The following C1QTNF3 variants were observed in gnomAD, a reference collection of about 807,000 sequenced individuals.
C1QTNF3 encodes the protein complement C1q tumor necrosis factor-related protein 3.
Under a neutral mutation model 32.6 loss-of-function variants are expected in C1QTNF3, and 26 were observed. That is an observed-to-expected ratio of 0.80 (90% CI 0.58 to 1.11). C1QTNF3 has a LOEUF of 1.11. C1QTNF3 is among the 50% of genes least tolerant of loss of function. The pLI is 0.00. For synonymous variants in C1QTNF3, 155 were observed against 146.0 expected (o/e 1.06, Z -0.44); for missense variants, 362 against 398.2 (o/e 0.91, Z 0.77).
At position 34,020,491 on chromosome 5, in the gene C1QTNF3, A is replaced by G; in HGVS notation, c.*92T>C. ...AACCAATAATTTTTTGAATACAGCA[A>G]TGTAAAACCCTCAACTTTAATGTTC... On this transcript the variant is annotated 3_prime_UTR_variant, in exon 6 of 6. Transcript: ENST00000382065. The G allele has an allele frequency of 1.4e-6, 2 of 1,449,712 alleles. No homozygotes were observed. Among genetic ancestry groups the G allele is most frequent in the Non-Finnish European group, 1.9e-6 (2 of 1,061,122 alleles). The allele number at this position is 1,449,712 out of a possible 1,614,324, so 89.8% of individuals were successfully genotyped here.
the C1QTNF3 span, among the ~76,000 whole-genome samples, chr5:34,219,415 G>C: frequency 2.0e-5 from 3 of 151,702 alleles, no homozygotes; most frequent in African/African-American, 7.3e-5. Context: ...GTAGAAAGTG[G>C]AGAATCAATA....
the C1QTNF3 span, chr5:34,106,366 T>C: frequency 1.3e-5 from 2 of 151,930 alleles, no homozygotes; most frequent in Admixed American, 1.3e-4. Context: ...GAATTCATTG[T>C]CAGAGGCAAC....
the C1QTNF3 span, among the ~76,000 whole-genome samples, chr5:34,209,404 C>A: frequency 6.7e-6 from 1 of 150,094 alleles, no homozygotes; most frequent in African/African-American, 2.5e-5. Context: ...GCACATATAC[C>A]CCTGAACTGA....
chr5:34,100,921 A>C, the C1QTNF3 span, among the ~76,000 whole-genome samples: 1 of 151,908 alleles, frequency 6.6e-6, no homozygotes, highest in Non-Finnish European at 1.5e-5. Context: ...CATATTTATT[A>C]TTTCCCAACA....
At chr5:34,172,384 T>C in the C1QTNF3 span, among the ~76,000 whole-genome samples, 6 of 146,016 alleles carry the variant, frequency 4.1e-5, no homozygotes, top group South Asian at 2.2e-4. Flanking sequence ...TTTTAGACCT[T>C]AGTTGAATGC....
chr5:34,063,654 A>G, the C1QTNF3 span, among the ~76,000 whole-genome samples: 2 of 152,170 alleles, frequency 1.3e-5, no homozygotes, highest in Non-Finnish European at 2.9e-5. Context: ...ATAACTGCCC[A>G]TGTTGAGAGC....
upstream of C1QTNF3, among the ~76,000 whole-genome samples, chr5:34,044,181 T>C (rs1168093729): frequency 1.3e-5 from 2 of 152,238 alleles, no homozygotes; most frequent in East Asian, 3.8e-4. Context: ...TTGCTTTAGT[T>C]GCTATACTTT....
chr5:34,080,384 T>C, the C1QTNF3 span, among the ~76,000 whole-genome samples: 5 of 151,782 alleles, frequency 3.3e-5, no homozygotes, highest in Non-Finnish European at 2.9e-5. Flanking sequence ...AGTGTGAAAC[T>C]GGTATTTAAT....
the C1QTNF3 span, among the ~76,000 whole-genome samples, chr5:34,150,247 C>T: frequency 2.3e-4 from 18 of 79,724 alleles, no homozygotes; most frequent in Non-Finnish European, 3.2e-4. Context: ...GACTCCCACA[C>T]ATTAATAATG....
At chr5:34,191,876 T>C in the C1QTNF3 span, 2,393 of 707,834 alleles carry the variant, frequency 3.4e-3, no homozygotes, top group African/African-American at 0.037. Context: ...TCAGCCCAGG[T>C]CACCTCGATG....
chr5:34,227,757 T>C, the C1QTNF3 span, among the ~76,000 whole-genome samples: 3 of 151,918 alleles, frequency 2.0e-5, no homozygotes, highest in Non-Finnish European at 4.4e-5. Context: ...AATTGACCAA[T>C]GTATTTAACC....
chr5:34,161,394 G>T, the C1QTNF3 span, among the ~76,000 whole-genome samples: 1 of 151,868 alleles, frequency 6.6e-6, no homozygotes, highest in Non-Finnish European at 1.5e-5. Context: ...GTGTTCAAAT[G>T]CAAATTCTTA....
chr5:34,159,948 T>C, the C1QTNF3 span, among the ~76,000 whole-genome samples: 1 of 151,956 alleles, frequency 6.6e-6, no homozygotes, highest in Non-Finnish European at 1.5e-5. Flanking sequence ...CATAAATAAT[T>C]CTAAACAAAA....
chr5:34,072,336 A>G, the C1QTNF3 span, among the ~76,000 whole-genome samples: 3 of 148,734 alleles, frequency 2.0e-5, no homozygotes, highest in African/African-American at 5.0e-5. Context: ...TTGCAAAAAA[A>G]TAAAACAGTA....
At chr5:34,051,115 T>C in the C1QTNF3 span, among the ~76,000 whole-genome samples, 1 of 152,210 alleles carries the variant, frequency 6.6e-6, no homozygotes, top group African/African-American at 2.4e-5. Context: ...AATGTACTTC[T>C]TCTCTCTCTT....
the C1QTNF3 span, among the ~76,000 whole-genome samples, chr5:34,241,265 T>C: frequency 4.6e-5 from 7 of 152,116 alleles, no homozygotes; most frequent in South Asian, 2.1e-4. Context: ...CTATTCAACA[T>C]AGTACCAGAA....
At chr5:34,030,381 C>G (rs951425390) in intron 3 of C1QTNF3, among the ~76,000 whole-genome samples, 4 of 152,184 alleles carry the variant, frequency 2.6e-5, no homozygotes, top group African/African-American at 9.6e-5. Flanking sequence ...ATAAGGCTGT[C>G]TATTTGGGTC....
At chr5:34,048,375 C>T in the C1QTNF3 span, among the ~76,000 whole-genome samples, 4 of 151,364 alleles carry the variant, frequency 2.6e-5, no homozygotes, top group African/African-American at 9.7e-5. Flanking sequence ...GTCCATCAGG[C>T]TCCAAACAGA....
the C1QTNF3 span, among the ~76,000 whole-genome samples, chr5:34,056,477 T>TAGAGAGAG: frequency 5.7e-5 from 5 of 87,246 alleles, no homozygotes; most frequent in East Asian, 1.1e-3. Context: ...TATATATATA[T>TAGAGAGAG]ATAGAGAGAG....
Sources: allele counts gnomAD v4.1 joint callset (sites outside exome capture counted in the v4.1 genomes callset), GRCh38; gene constraint gnomAD v4.1.1; transcripts MANE v1.5; gene names NCBI Gene and HGNC (gene_info 2026-07-23, HGNC 2026-07-21).